PPARGC1A: variants seen among roughly 807,000 people sequenced by gnomAD.
PPARGC1A encodes peroxisome proliferator-activated receptor gamma coactivator 1-alpha.
Under a neutral mutation model 88.7 loss-of-function variants are expected in PPARGC1A, and 25 were observed. The observed-to-expected ratio is 0.28, with a 90% CI of 0.21 to 0.39. The LOEUF (loss-of-function observed/expected upper bound fraction) is 0.39. PPARGC1A is among the 10% of genes least tolerant of loss of function. The probability of loss-of-function intolerance (pLI) is 1.00; values close to 1 mark genes in which losing one functional copy is unlikely to be tolerated. For missense variants in PPARGC1A, 880 were observed against 968.7 expected (o/e 0.91, Z 1.22); for synonymous variants, 363 against 355.6 (o/e 1.02, Z -0.24).
the PPARGC1A span, among the ~76,000 whole-genome samples, chr4:24,180,955 C>T: frequency 1.3e-5 from 2 of 152,198 alleles, no homozygotes; most frequent in African/African-American, 4.8e-5. Flanking sequence ...AGACTCAAAA[C>T]ATGATCCCTC....
intron 2 of PPARGC1A, among the ~76,000 whole-genome samples, chr4:23,834,705 T>TCA (rs1275123185): frequency 3.3e-5 from 5 of 152,308 alleles, no homozygotes; most frequent in South Asian, 2.1e-4. Flanking sequence ...AAGGACCCTG[T>TCA]ATATGTAATT....
the PPARGC1A span, among the ~76,000 whole-genome samples, chr4:24,183,241 C>T: frequency 7.2e-5 from 11 of 152,104 alleles, no homozygotes; most frequent in Admixed American, 5.2e-4. Flanking sequence ...CTCTAAGCAC[C>T]CTATATATAT....
chr4:24,041,024 C>T, the PPARGC1A span, among the ~76,000 whole-genome samples: 1 of 152,176 alleles, frequency 6.6e-6, no homozygotes, highest in East Asian at 1.9e-4. Context: ...AACTTGGCTA[C>T]AGTTCATCTT....
chr4:24,327,070 A>T, the PPARGC1A span, among the ~76,000 whole-genome samples: 1 of 152,124 alleles, frequency 6.6e-6, no homozygotes, highest in East Asian at 1.9e-4. Flanking sequence ...TATTAAAAAC[A>T]CACCTCACCA....
At chr4:24,004,161 A>T in the PPARGC1A span, among the ~76,000 whole-genome samples, 1 of 152,300 alleles carries the variant, frequency 6.6e-6, no homozygotes, top group South Asian at 2.1e-4. Flanking sequence ...GTGTTGCTAT[A>T]GCAGATTAAG....
the PPARGC1A span, among the ~76,000 whole-genome samples, chr4:24,185,067 A>C: frequency 6.6e-6 from 1 of 152,170 alleles, no homozygotes; most frequent in Non-Finnish European, 1.5e-5. Flanking sequence ...GTTCGAGAAA[A>C]GTACAGAGAC....
chr4:24,468,431 C>T, the PPARGC1A span, among the ~76,000 whole-genome samples: 2 of 152,176 alleles, frequency 1.3e-5, no homozygotes, highest in Non-Finnish European at 2.9e-5. Context: ...AGATGCTCCC[C>T]CCCGCACACA....
the PPARGC1A span, among the ~76,000 whole-genome samples, chr4:24,255,100 C>A: frequency 6.6e-6 from 1 of 152,180 alleles, no homozygotes; most frequent in Admixed American, 6.5e-5. Flanking sequence ...ACTCTTTCCT[C>A]TTTTGAAATT....
chr4:24,052,529 T>C, the PPARGC1A span, among the ~76,000 whole-genome samples: 2 of 151,574 alleles, frequency 1.3e-5, no homozygotes, highest in African/African-American at 4.8e-5. Flanking sequence ...CCCAGCTACT[T>C]GACAGGCTGA....
At chr4:24,143,494 A>T in the PPARGC1A span, among the ~76,000 whole-genome samples, 1 of 152,252 alleles carries the variant, frequency 6.6e-6, no homozygotes, top group East Asian at 1.9e-4. Flanking sequence ...AGAAGAGCTG[A>T]TCAAGCAAGA....
chr4:24,136,276 A>G, the PPARGC1A span, among the ~76,000 whole-genome samples: 1 of 152,204 alleles, frequency 6.6e-6, no homozygotes. Flanking sequence ...ATTCAAAGGT[A>G]ATAAGTCCAT....
At chr4:24,042,340 A>G in the PPARGC1A span, among the ~76,000 whole-genome samples, 1 of 152,150 alleles carries the variant, frequency 6.6e-6, no homozygotes, top group African/African-American at 2.4e-5. Flanking sequence ...TCCACTTCAA[A>G]TAGTCATCCT....
intron 2 of PPARGC1A, among the ~76,000 whole-genome samples, chr4:23,861,376 T>TA (rs1449254245): frequency 6.6e-6 from 1 of 152,212 alleles, no homozygotes; most frequent in Non-Finnish European, 1.5e-5. Context: ...CCCAGTCCCC[T>TA]AAAAATATTT....
upstream of PPARGC1A, chr4:23,890,178 C>A: frequency 3.4e-6 from 3 of 874,714 alleles, no homozygotes; most frequent in Non-Finnish European, 3.0e-6. Flanking sequence ...CTCGTGACGT[C>A]ACTCAAAGGC....
chr4:23,850,182 T>C (rs1729029264), intron 2 of PPARGC1A, among the ~76,000 whole-genome samples: 1 of 152,216 alleles, frequency 6.6e-6, no homozygotes, highest in Non-Finnish European at 1.5e-5. Flanking sequence ...TCACTTTCAA[T>C]GGCAAAAACT....
chr4:24,462,589 A>G, the PPARGC1A span, among the ~76,000 whole-genome samples: 2 of 151,964 alleles, frequency 1.3e-5, no homozygotes, highest in African/African-American at 2.4e-5. Flanking sequence ...CAGTTTCCTC[A>G]TGGAATACTA....
chr4:24,445,009 G>A, the PPARGC1A span, among the ~76,000 whole-genome samples: 7 of 151,942 alleles, frequency 4.6e-5, no homozygotes, highest in East Asian at 7.7e-4. Flanking sequence ...CTGTGATTGC[G>A]CCACTTGCAC....
chr4:24,300,923 T>A, the PPARGC1A span, among the ~76,000 whole-genome samples: 37,273 of 152,032 alleles, frequency 0.25, 4,632 homozygotes, highest in Admixed American at 0.3. Context: ...CAAATATCTT[T>A]TATCTTGAAG....
At chr4:24,289,948 C>T in the PPARGC1A span, among the ~76,000 whole-genome samples, 1 of 152,172 alleles carries the variant, frequency 6.6e-6, no homozygotes, top group Non-Finnish European at 1.5e-5. Flanking sequence ...GCCTCCCAAT[C>T]ATGGAGGAAT....
Sources: allele counts gnomAD v4.1 joint callset (sites outside exome capture counted in the v4.1 genomes callset), GRCh38; gene constraint gnomAD v4.1.1; transcripts MANE v1.5; gene names NCBI Gene and HGNC (gene_info 2026-07-23, HGNC 2026-07-21).